Variants in ZAN observed in about 807,000 individuals in gnomAD.
ZAN encodes zonadhesin.
In ZAN, 260 loss-of-function variants were observed where a neutral mutation model predicts 286.2. That is an observed-to-expected ratio of 0.91 (90% CI 0.82 to 1.01). The LOEUF is 1.01. ZAN is among the 50% of genes least tolerant of loss of function. The pLI is 0.00. For synonymous variants in ZAN, 1,368 were observed against 1,417.5 expected (o/e 0.97, Z 0.79); for missense variants, 3,410 against 3,639.2 (o/e 0.94, Z 1.62).
rs148076149 is a variant in ZAN, at chr7:100,763,947, G to T, written c.4097+31G>T. ...AAGGAGGGCAGGCAGGGTCGCACAGGGGCGATGCTTGGCACCTGGGCTCCT... is the reference window on the plus strand; with the variant it reads ...AAGGAGGGCAGGCAGGGTCGCACAGTGGCGATGCTTGGCACCTGGGCTCCT... On this transcript the variant is annotated intron_variant, in intron 21 of 47. Coordinates refer to ENST00000613979, the MANE Select transcript of ZAN (RefSeq NM_003386.3). The surrounding 1 kb of genome is among the most constrained non-coding windows in gnomAD (Gnocchi z 4.6). 1.6e-3 allele frequency: 2,503 copies of T among 1,600,278 alleles called. 34 individuals carry two copies. The African/African-American group carries it at 0.032, about 20-fold the overall frequency.
At chr7:100,777,678 A>T (rs1425057641) in intron 34 of ZAN, among the ~76,000 whole-genome samples, 1 of 152,080 alleles carries the variant, frequency 6.6e-6, no homozygotes, top group Non-Finnish European at 1.5e-5. Context: ...CCAGCTTTTC[A>T]TAGCAACATG....
At chr7:100,750,541 T>G in intron 11 of ZAN, 84 bp from the exon 12 acceptor site, 1 of 1,493,606 alleles carries the variant, frequency 6.7e-7, no homozygotes, top group Non-Finnish European at 9.1e-7. Flanking sequence ...CAGATTCCCG[T>G]TCAGAAAGCA....
rs1331894537 is a variant in ZAN at position 100,768,024 on chromosome 7, G to A, written c.5041+13G>A. 1.9e-6 allele frequency: 3 copies of A among 1,605,006 alleles called. No individual in the cohort carries two copies. The highest frequency in any genetic ancestry group is 1.7e-6 in the Non-Finnish European group (2 of 1,175,392). On this transcript the variant is annotated intron_variant, in intron 26 of 47. Coordinates refer to ENST00000613979, the MANE Select transcript of ZAN (RefSeq NM_003386.3). ...TGTGGGCTGTGTGGTGAGTTTCCTG[G>A]GCACCTGCGGGGAAAGCTGGGACAA...
intron 35 of ZAN, among the ~76,000 whole-genome samples, chr7:100,782,546 G>C (rs772679713): frequency 1.3e-5 from 2 of 152,122 alleles, no homozygotes; most frequent in Non-Finnish European, 2.9e-5. Flanking sequence ...GGCCAGGCTG[G>C]TCTCAAACTC....
At chr7:100,776,965 C>CT (rs1745728253) in intron 34 of ZAN, among the ~76,000 whole-genome samples, 1 of 149,434 alleles carries the variant, frequency 6.7e-6, no homozygotes, top group Non-Finnish European at 1.5e-5. Context: ...ATCTTCTGAC[C>CT]TCGTGATCCA....
intron 17 of ZAN, among the ~76,000 whole-genome samples, 192 bp from the exon 18 acceptor site, chr7:100,759,529 C>T (rs1809389264): frequency 1.3e-5 from 2 of 152,140 alleles, no homozygotes; most frequent in South Asian, 4.1e-4. Context: ...GACAGACACG[C>T]TGCGGCTGCA....
chr7:100,764,115 T>G lies in ZAN; in HGVS notation c.4186T>G (p.Cys1396Gly). The change falls in exon 22 of 48, where the codon TGC becomes GGC. Residue 1396 changes from cysteine (C) to glycine (G), a missense_variant. Around this residue, in one of 7 missense-constraint regions of ZAN, gnomAD observed 1,042 missense variants for 1,058.0 expected, o/e 0.98. Transcript: ENST00000613979. Reference sequence around the variant, plus strand: ...ATTCCAGGGGCTGCAGCACCTGCTGTGCACACACATGTCCACCATGACCAC... The same window carrying G: ...ATTCCAGGGGCTGCAGCACCTGCTGGGCACACACATGTCCACCATGACCAC... ...CGFQGLQHLL[C>G]THMSTMTTTC... is the part of the protein sequence containing the mutation. 6.2e-7 allele frequency: 1 copy of G among 1,613,128 alleles called. No homozygotes were observed. The highest frequency in any genetic ancestry group is 8.5e-7 in the Non-Finnish European group (1 of 1,179,568).
At chr7:100,788,819 C>T (rs1449767595) in intron 38 of ZAN, among the ~76,000 whole-genome samples, 2 of 152,132 alleles carry the variant, frequency 1.3e-5, no homozygotes, top group Admixed American at 6.6e-5. Flanking sequence ...CTGCCTCAAC[C>T]TCCCTAGTAG....
chr7:100,789,198 C>T lies in ZAN; in HGVS notation c.7228-20C>T. ...CAGGAGGATTCAGCCCTGTCTGTGG[C>T]TCCTGTCTTCCCTCTTTAGGTCAAC... On this transcript the variant is annotated intron_variant, in intron 38 of 47. Transcript: ENST00000613979. 1 of 1,609,370 alleles carries T rather than the reference C, an allele frequency of 6.2e-7. No individual in the cohort carries two copies. The highest frequency in any genetic ancestry group is 8.5e-7 in the Non-Finnish European group (1 of 1,177,578).
chr7:100,784,653 C>T lies in ZAN; in HGVS notation c.6653C>T (p.Thr2218Ile). The T allele has an allele frequency of 6.2e-7, 1 of 1,614,008 alleles. No individual in the cohort carries two copies. The highest frequency in any genetic ancestry group is 1.1e-5 in the South Asian group (1 of 91,090). ...PLECPAYSSY[T>I]NCLPSCSPSC... is the part of the protein sequence containing the mutation. ...GAATGCCCTGCCTACAGCAGCTACA[C>T]CAACTGCCTTCCCTCCTGCTCACCC... The change falls in exon 36 of 48, where the codon ACC becomes ATC. Residue 2218 changes from threonine to isoleucine, a missense_variant. Coordinates refer to ENST00000613979, the MANE Select transcript of ZAN (RefSeq NM_003386.3).
chr7:100,751,643 T>C (rs1194230903), intron 13 of ZAN, 69 bp from the exon 14 acceptor site: 9 of 1,495,692 alleles, frequency 6.0e-6, no homozygotes, highest in African/African-American at 1.4e-5. Context: ...CCACTCCAGT[T>C]AGATGGCAGT....
chr7:100,775,338 G>A lies in ZAN; in HGVS notation c.5790G>A (p.Val1930=), dbSNP rs373532380. Residue 1930 remains valine (V), a synonymous_variant, in exon 32 of 48, where the codon GTG becomes GTA. Coordinates refer to ENST00000613979, the MANE Select transcript of ZAN (RefSeq NM_003386.3). ...TCTCTGTCCTCCCAGGTGTGGGAGT[G>A]TGTCAGCTCCCAGGGGAGTCCCACT... ...LLHCRASGVG[V]CQLPGESHYV... is the part of the protein sequence containing the mutation. The A allele has an allele frequency of 8.5e-5, 137 of 1,613,104 alleles. No homozygotes were observed. In the African/African-American group the frequency reaches 1.6e-3, roughly 18 times the overall value.
Position 100,784,645 on chromosome 7 carries a change from C to T in ZAN, c.6645C>T (p.Ser2215=), listed in dbSNP as rs749947719. 3 of 1,613,854 alleles carry T rather than the reference C, an allele frequency of 1.9e-6. No homozygotes were observed. The highest frequency in any genetic ancestry group is 2.5e-6 in the Non-Finnish European group (3 of 1,179,898). Residue 2215 remains serine, a synonymous_variant, in exon 36 of 48, where the codon AGC becomes AGT. Transcript: ENST00000613979. The part of the protein sequence containing the change: ...SFCPLECPAY[S]SYTNCLPSCS... ...CAGCTCTGGAATGCCCTGCCTACAG[C>T]AGCTACACCAACTGCCTTCCCTCCT...
intron 16 of ZAN, 56 bp from the exon 17 acceptor site, chr7:100,758,475 G>A: frequency 1.3e-6 from 2 of 1,553,848 alleles, no homozygotes; most frequent in East Asian, 2.4e-5. Context: ...AGCATGTGCG[G>A]TCCAGCCTGG....
chr7:100,737,078 C>G lies in ZAN; in HGVS notation c.523C>G (p.Arg175Gly), dbSNP rs755981747. ...GCCCGCAGGGTTCACCCTGCCCACCCGGGTAAGGCCGGGGACAAATTGTGG... is the reference window on the plus strand; with the variant it reads ...GCCCGCAGGGTTCACCCTGCCCACCGGGGTAAGGCCGGGGACAAATTGTGG... ...TVPAGFTLPT[R>G]LMFEGTRGST... The change falls in exon 5 of 48, where the codon CGG (arginine) becomes GGG (glycine). Residue 175 changes from arginine to glycine, a missense_variant and splice_region_variant. Arg to Gly is a moderately radical substitution (Grantham distance 125). This residue lies in a region of ZAN where 872 missense variants were observed against 938.9 expected (regional missense o/e 0.93). Coordinates refer to ENST00000613979, the MANE Select transcript of ZAN (RefSeq NM_003386.3). 2 of 1,490,040 alleles carry G rather than the reference C, an allele frequency of 1.3e-6. 1 individual carries two copies. The highest frequency in any genetic ancestry group is 2.4e-5 in the South Asian group (2 of 84,896). The allele number at this position is 1,490,040 out of a possible 1,614,324, so 92.3% of individuals were successfully genotyped here. A position where few individuals can be genotyped will look rare whatever the true frequency, so the allele number is the denominator to read the frequency against.
In ZAN at chr7:100,747,660, TCAGGTCCTTGCAC is replaced by T; in HGVS notation, c.1023+20_1023+32del. ...GATACAGGTACAGAGAAGCAAGGGG[TCAGGTCCTTGCAC>T]ATGGTAGGCACACCCAATGTTGAAA... On this transcript the variant is annotated intron_variant, in intron 9 of 47. Coordinates refer to ENST00000613979, the MANE Select transcript of ZAN (RefSeq NM_003386.3). 6.2e-7 allele frequency: 1 copy of T among 1,605,938 alleles called. No individual in the cohort carries two copies. Among genetic ancestry groups the T allele is most frequent in the Non-Finnish European group, 8.5e-7 (1 of 1,172,988 alleles).
chr7:100,767,701 G>T, intron 25 of ZAN, 130 bp from the exon 26 acceptor site: 1 of 1,048,352 alleles, frequency 9.5e-7, no homozygotes, highest in Non-Finnish European at 1.3e-6. Flanking sequence ...CTGATCTCGA[G>T]ATCCTGGGCT....
intron 18 of ZAN, 85 bp downstream of exon 18, chr7:100,759,930 G>A: frequency 2.0e-6 from 3 of 1,507,296 alleles, no homozygotes; most frequent in Non-Finnish European, 2.7e-6. Context: ...CCTTTCCACG[G>A]ATGGGGTTCA....
In ZAN at chr7:100,765,479, C is replaced by T. The variant is rs775835048; in HGVS notation, c.4395C>T (p.Gly1465=). 6.2e-7 allele frequency: 1 copy of T among 1,613,244 alleles called. No individual in the cohort carries two copies. Among genetic ancestry groups the T allele is most frequent in the South Asian group, 1.1e-5 (1 of 90,854 alleles). Residue 1465 remains glycine, a synonymous_variant, in exon 23 of 48, where the codon GGC becomes GGT. Coordinates refer to ENST00000613979, the MANE Select transcript of ZAN (RefSeq NM_003386.3). ...RCVEACECNP[G]FVLSGLECIP... The stretch of plus-strand genomic sequence containing the variant: ...TGGAGGCCTGTGAATGCAATCCGGG[C>T]TTCGTCCTCAGTGGCCTCGAGTGCA...
Sources: allele counts gnomAD v4.1 joint callset (sites outside exome capture counted in the v4.1 genomes callset), GRCh38; gene constraint gnomAD v4.1.1; regional missense constraint gnomAD v4.1.1; non-coding constraint Gnocchi (gnomAD v3.1); transcripts MANE v1.5; gene names NCBI Gene and HGNC (gene_info 2026-07-23, HGNC 2026-07-21).